The following WDR20 variants were observed in gnomAD, a reference collection of about 807,000 sequenced individuals.
WDR20 encodes WD repeat-containing protein 20.
WDR20 carries 3 observed loss-of-function variants against 38.7 expected under a neutral mutation model. That is an observed-to-expected ratio of 0.08 (90% CI 0.04 to 0.20). The LOEUF (loss-of-function observed/expected upper bound fraction) is 0.20. Among genes scored for constraint, WDR20 ranks in the 10% least tolerant of loss-of-function variants. The pLI, the probability that WDR20 is intolerant of heterozygous loss-of-function variation, is 1.00. For synonymous variants in WDR20, 298 were observed against 285.6 expected, an observed-to-expected ratio of 1.04 and a Z score of -0.44; for missense variants, 559 against 727.7, an observed-to-expected ratio of 0.77 and a Z score of 2.67.
At chr14:102,178,024 C>T (rs774356423) in intron 1 of WDR20, among the ~76,000 whole-genome samples, 4 of 152,176 alleles carry the variant, frequency 2.6e-5, no homozygotes, top group Non-Finnish European at 5.9e-5. Context: ...TGTGCCTTGG[C>T]ATCCTCATTT....
downstream of WDR20, chr14:102,212,626 G>A (rs2062695747): frequency 6.5e-7 from 1 of 1,534,962 alleles, no homozygotes; most frequent in African/African-American, 1.4e-5. Flanking sequence ...GAGAGGGGCA[G>A]GGAAGCGCCC....
At chr14:102,189,208 T>C (rs1180396977) in intron 1 of WDR20, among the ~76,000 whole-genome samples, 1 of 152,112 alleles carries the variant, frequency 6.6e-6, no homozygotes, top group Admixed American at 6.5e-5. Context: ...AGACCCTGTC[T>C]CAATAATAAT....
chr14:102,139,474 C>G (rs2050190301), upstream of WDR20: 1 of 1,443,420 alleles, frequency 6.9e-7, no homozygotes, highest in Non-Finnish European at 9.2e-7. Flanking sequence ...GCTCTTCCTC[C>G]GCTCTTTGGG....
chr14:102,195,201 G>GC (rs1359487937), intron 2 of WDR20, 81 bp downstream of exon 2: 12 of 1,493,162 alleles, frequency 8.0e-6, no homozygotes, highest in Non-Finnish European at 1.1e-5. Context: ...GCCTTATTTT[G>GC]CACTTCAAGC....
At chr14:102,212,314 G>A (rs1011214363), downstream of WDR20, among the ~76,000 whole-genome samples, 1 of 152,170 alleles carries the variant, frequency 6.6e-6, no homozygotes. Flanking sequence ...CTTGTCTGGG[G>A]CCCCTTCGTT....
intron 1 of WDR20, among the ~76,000 whole-genome samples, chr14:102,177,368 G>C (rs1485662148): frequency 3.3e-5 from 5 of 152,190 alleles, no homozygotes; most frequent in Non-Finnish European, 5.9e-5. Flanking sequence ...ATCGGTATTT[G>C]TCCCAGTGTT....
intron 1 of WDR20, among the ~76,000 whole-genome samples, chr14:102,169,083 T>A (rs1258914870): frequency 1.3e-5 from 2 of 152,132 alleles, no homozygotes; most frequent in East Asian, 1.9e-4. Flanking sequence ...TGCTGCCACC[T>A]CCTCCTCATT....
intron 1 of WDR20, among the ~76,000 whole-genome samples, chr14:102,141,411 C>G (rs2051079912): frequency 6.6e-6 from 1 of 151,750 alleles, no homozygotes; most frequent in South Asian, 2.1e-4. Context: ...ATCTTTTTTT[C>G]TTAGTCTTTA....
chr14:102,187,307 C>G (rs886137906), intron 1 of WDR20, among the ~76,000 whole-genome samples: 1 of 152,088 alleles, frequency 6.6e-6, no homozygotes, highest in Non-Finnish European at 1.5e-5. Context: ...AGGAGCTGGA[C>G]TTTCACAATA....
At chr14:102,202,616 G>T (rs181465295) in intron 2 of WDR20, among the ~76,000 whole-genome samples, 1 of 151,886 alleles carries the variant, frequency 6.6e-6, no homozygotes. Context: ...TCCTGACCTC[G>T]TGATCCGCCC....
In WDR20 at chr14:102,209,339, C is replaced by T. The variant is rs1418112979; in HGVS notation, c.1169C>T (p.Pro390Leu). 1 of 1,614,170 alleles carries T rather than the reference C, an allele frequency of 6.2e-7. No individual in the cohort carries two copies. The change falls in exon 3 of 3, where the codon CCT becomes CTT. Residue 390 changes from proline (P) to leucine (L), a missense_variant. Physicochemically the swap from Pro to Leu is moderately conservative, Grantham distance 98 (BLOSUM62 -3). Coordinates refer to ENST00000342702, the MANE Select transcript of WDR20 (RefSeq NM_144574.4). This position sits in a 1 kb window ranked among gnomAD's most constrained non-coding sequence, Gnocchi z 6.0. ...GACCTTACAGAAGATATCCTTTTCC[C>T]TCACCAACCCCTCTCAAGAGCAAGG... ...LWDLTEDILFPHQPLSRARTH... is the reference protein window; with the variant it reads ...LWDLTEDILFLHQPLSRARTH...
chr14:102,219,577 C>A (rs540678235), downstream of WDR20, among the ~76,000 whole-genome samples: 3 of 152,270 alleles, frequency 2.0e-5, no homozygotes, highest in South Asian at 6.2e-4. Context: ...CCGGTTAACT[C>A]CTCTTAGAGA....
chr14:102,178,835 T>C (rs1339906606), intron 1 of WDR20: 1 of 152,152 alleles, frequency 6.6e-6, no homozygotes, highest in Non-Finnish European at 1.5e-5. Context: ...GGCACTGAAC[T>C]AGGTGCTGTC....
chr14:102,167,142 C>A (rs2059923334), intron 1 of WDR20, among the ~76,000 whole-genome samples: 1 of 152,208 alleles, frequency 6.6e-6, no homozygotes, highest in Non-Finnish European at 1.5e-5. Flanking sequence ...TTCATTATAT[C>A]TTTCTGACTT....
At chr14:102,191,081 T>A (rs1465640179) in intron 1 of WDR20, among the ~76,000 whole-genome samples, 4 of 152,138 alleles carry the variant, frequency 2.6e-5, no homozygotes, top group Non-Finnish European at 5.9e-5. Context: ...TAATGGTAGC[T>A]ACCCAAATAC....
At chr14:102,218,349 G>A (rs1036561734), downstream of WDR20, among the ~76,000 whole-genome samples, 2 of 152,164 alleles carry the variant, frequency 1.3e-5, no homozygotes, top group Admixed American at 6.5e-5. Flanking sequence ...GCCAGGGGTC[G>A]TGGGGGTCAG....
intron 2 of WDR20, among the ~76,000 whole-genome samples, chr14:102,200,467 T>TTGTGTGTGTGTGTGTGTGTG (rs71395660): frequency 8.5e-6 from 1 of 117,688 alleles, no homozygotes; most frequent in African/African-American, 3.1e-5. Flanking sequence ...ATTTTTTTTT[T>TTGTGTGTGTGTGTGTGTGTG]TGTGTGTGTG....
At chr14:102,178,391 CAAAAAA>C (rs34653819) in intron 1 of WDR20, among the ~76,000 whole-genome samples, 1 of 143,274 alleles carries the variant, frequency 7.0e-6, no homozygotes, top group East Asian at 2.0e-4. Flanking sequence ...GACTCTGTCT[CAAAAAA>C]AAAAAAAAAA....
chr14:102,145,364 G>GT (rs1179063543), intron 1 of WDR20, among the ~76,000 whole-genome samples: 3 of 152,172 alleles, frequency 2.0e-5, no homozygotes, highest in Non-Finnish European at 4.4e-5. Flanking sequence ...GGGAAATCGT[G>GT]TAAGAGACAA....
Sources: gnomAD v4.1 joint callset for allele counts (sites outside exome capture counted in the v4.1 genomes callset) on GRCh38, gnomAD v4.1.1 for gene constraint, Gnocchi (gnomAD v3.1) non-coding constraint, MANE v1.5 for transcripts, NCBI Gene and HGNC (gene_info 2026-07-23, HGNC 2026-07-21) for gene names.